Variants in CCDC179 observed in about 807,000 individuals in gnomAD.
The protein encoded by CCDC179 is coiled-coil domain-containing protein 179.
Under a neutral mutation model 12.0 loss-of-function variants are expected in CCDC179, and 17 were observed. The observed-to-expected ratio is 1.42, with a 90% CI of 0.97 to 2.13. The LOEUF (loss-of-function observed/expected upper bound fraction) is 2.13. Among genes scored for constraint, CCDC179 ranks in the 30% most tolerant of loss-of-function variants. The pLI is 0.00. For synonymous variants in CCDC179, 27 were observed against 26.4 expected, an observed-to-expected ratio of 1.02 and a Z score of -0.07; for missense variants, 83 against 78.6, an observed-to-expected ratio of 1.06 and a Z score of -0.21.
chr11:22,853,522 A>C (rs1322166214), intron 3 of CCDC179, among the ~76,000 whole-genome samples: 1 of 152,120 alleles, frequency 6.6e-6, no homozygotes, highest in Non-Finnish European at 1.5e-5. Flanking sequence ...GAGGAAAAAA[A>C]CTAATTAGCT....
intron 3 of CCDC179, among the ~76,000 whole-genome samples, chr11:22,848,742 A>C (rs915113911): frequency 6.6e-6 from 1 of 152,340 alleles, no homozygotes. Context: ...AATGTATAAG[A>C]GATGAAAAGG....
Position 22,859,530 on chromosome 11 carries a change from C to G in CCDC179, c.46-34G>C, listed in dbSNP as rs868675206. The G allele has an allele frequency of 2.4e-5, 32 of 1,320,150 alleles. No individual in the cohort carries two copies. In the African/African-American group the frequency reaches 4.4e-4, roughly 18 times the overall value. 81.8% of individuals were successfully genotyped at this position (1,320,150 alleles called of 1,614,324 possible). On this transcript the variant is annotated intron_variant, in intron 1 of 3. Coordinates refer to ENST00000532798, the MANE Select transcript of CCDC179 (RefSeq NM_001195637.2). ...TAAACAAAATTAAAACACATTCACA[C>G]AAAAAAGTCATTAAAAACAGTAAAT... is the stretch of plus-strand genomic sequence containing the variant.
In CCDC179 at chr11:22,847,579, A is replaced by G. The variant is rs1401940192; in HGVS notation, c.196-58T>C. The G allele has an allele frequency of 4.5e-6, 4 of 879,434 alleles. No individual in the cohort carries two copies. In the Admixed American group the frequency reaches 8.2e-5, roughly 18 times the overall value. The allele number at this position is 879,434 out of a possible 1,614,324, so 54.5% of individuals were successfully genotyped here. On this transcript the variant is annotated intron_variant, in intron 3 of 3. Coordinates refer to ENST00000532798, the MANE Select transcript of CCDC179 (RefSeq NM_001195637.2). ...AATTTAATTAAAATTTATATAAGGA[A>G]AGATTAGATATACTATAAATTATTT...
chr11:22,847,609 A>G, intron 3 of CCDC179, 88 bp from the exon 4 acceptor site: 3 of 611,272 alleles, frequency 4.9e-6, no homozygotes, highest in Non-Finnish European at 7.5e-6. Context: ...TTATTTGGAA[A>G]TGGTCTCATG....
At chr11:22,848,917 T>G (rs1034504228) in intron 3 of CCDC179, among the ~76,000 whole-genome samples, 5 of 152,192 alleles carry the variant, frequency 3.3e-5, no homozygotes, top group Admixed American at 6.5e-5. Flanking sequence ...TATGAGCAAT[T>G]GTCTATGTTA....
At chr11:22,851,543 C>T (rs4586159) in intron 3 of CCDC179, among the ~76,000 whole-genome samples, 78,958 of 151,970 alleles carry the variant, frequency 0.52, 20,892 homozygotes, top group Middle Eastern at 0.7. Context: ...AGCTTTCCAG[C>T]CTGACATATA....
chr11:22,852,956 C>A (rs1858445319), intron 3 of CCDC179, among the ~76,000 whole-genome samples: 1 of 152,152 alleles, frequency 6.6e-6, no homozygotes, highest in South Asian at 2.1e-4. Flanking sequence ...ACCAACACAT[C>A]AATTAGTCTC....
chr11:22,854,765 T>A (rs1858495743), intron 3 of CCDC179, among the ~76,000 whole-genome samples: 1 of 151,780 alleles, frequency 6.6e-6, no homozygotes, highest in Non-Finnish European at 1.5e-5. Flanking sequence ...ATGTCAATGA[T>A]CTTAAAGACA....
intron 3 of CCDC179, among the ~76,000 whole-genome samples, chr11:22,849,732 C>T (rs1352888081): frequency 2.6e-5 from 4 of 152,132 alleles, no homozygotes; most frequent in Non-Finnish European, 5.9e-5. Context: ...AACCTCATGG[C>T]TTAGCTCCCA....
Position 22,847,308 on chromosome 11 carries a change from A to G in CCDC179, c.*202T>C, listed in dbSNP as rs1025297273. 1 of 371,712 alleles carries G rather than the reference A, an allele frequency of 2.7e-6. No individual in the cohort carries two copies. The highest frequency in any genetic ancestry group is 4.7e-6 in the Non-Finnish European group (1 of 210,736). 23.0% of individuals were successfully genotyped at this position (371,712 alleles called of 1,614,324 possible). ...TTCAAGTTTACCACAGGAAAGAAAAATATGGTAGTGAGAGATGGCATTTAA... is the reference window on the plus strand; with the variant it reads ...TTCAAGTTTACCACAGGAAAGAAAAGTATGGTAGTGAGAGATGGCATTTAA... On this transcript the variant is annotated 3_prime_UTR_variant, in exon 4 of 4. Coordinates refer to ENST00000532798, the MANE Select transcript of CCDC179 (RefSeq NM_001195637.2).
intron 3 of CCDC179, among the ~76,000 whole-genome samples, chr11:22,852,375 T>G (rs538384293): frequency 1.3e-5 from 2 of 152,250 alleles, no homozygotes; most frequent in African/African-American, 4.8e-5. Context: ...GGCCACAAGG[T>G]TAGGAGGATG....
chr11:22,850,314 TTTC>T (rs767351349), intron 3 of CCDC179, among the ~76,000 whole-genome samples: 1 of 152,230 alleles, frequency 6.6e-6, no homozygotes, highest in Non-Finnish European at 1.5e-5. Context: ...GCCTAAGTAA[TTTC>T]TTCTTAACTC....
At chr11:22,856,863 T>C (rs1858540495) in intron 3 of CCDC179, among the ~76,000 whole-genome samples, 2 of 151,604 alleles carry the variant, frequency 1.3e-5, no homozygotes, top group African/African-American at 4.8e-5. Context: ...GAAAATTCAA[T>C]TGATTTCCTT....
chr11:22,858,421 A>T (rs565012494), intron 2 of CCDC179, among the ~76,000 whole-genome samples: 1 of 152,040 alleles, frequency 6.6e-6, no homozygotes. Context: ...CATGACACAC[A>T]TAGCTTTTTA....
In CCDC179 at chr11:22,847,207, A is replaced by G. The variant is rs533924634; in HGVS notation, c.*303T>C. ...CTAAATATGTCATAAAACATTTGCA[A>G]AAATTTAAATGAGAATAATATTTTT... On this transcript the variant is annotated 3_prime_UTR_variant, in exon 4 of 4. Coordinates refer to ENST00000532798, the MANE Select transcript of CCDC179 (RefSeq NM_001195637.2). 5 of 220,152 alleles carry G rather than the reference A, an allele frequency of 2.3e-5. No individual in the cohort carries two copies. The South Asian group carries it at 6.6e-4, about 29-fold the overall frequency. The allele number at this position is 220,152 out of a possible 1,614,324, so 13.6% of individuals were successfully genotyped here.
At chr11:22,857,021 G>T (rs376054181) in intron 3 of CCDC179, among the ~76,000 whole-genome samples, 18 of 151,712 alleles carry the variant, frequency 1.2e-4, no homozygotes, top group African/African-American at 4.3e-4. Flanking sequence ...TAAAAAAGAT[G>T]ATCTAAATAA....
chr11:22,855,959 A>G (rs1028768166), intron 3 of CCDC179, among the ~76,000 whole-genome samples: 1 of 151,458 alleles, frequency 6.6e-6, no homozygotes, highest in Admixed American at 6.6e-5. Flanking sequence ...AAAAGGATTC[A>G]ATCTACTAAA....
At chr11:22,857,879 G>A (rs1161384918) in intron 3 of CCDC179, 43 bp downstream of exon 3, 3 of 947,188 alleles carry the variant, frequency 3.2e-6, no homozygotes, top group East Asian at 2.8e-5. Context: ...GATATCAGTT[G>A]CATTTAATGA....
chr11:22,854,392 C>G (rs12576573), intron 3 of CCDC179, among the ~76,000 whole-genome samples: 75,607 of 151,308 alleles, frequency 0.5, 19,499 homozygotes, highest in Middle Eastern at 0.7. Context: ...ATTTTATGGA[C>G]AAGTGAATGA....
Sources: gnomAD v4.1 joint callset for allele counts (sites outside exome capture counted in the v4.1 genomes callset) on GRCh38, gnomAD v4.1.1 for gene constraint, MANE v1.5 for transcripts, NCBI Gene and HGNC (gene_info 2026-07-23, HGNC 2026-07-21) for gene names.